Variants in CYP39A1 observed in about 807,000 individuals in gnomAD.
CYP39A1 encodes 24-hydroxycholesterol 7-alpha-hydroxylase.
CYP39A1 carries 49 observed loss-of-function variants against 58.1 expected under a neutral mutation model. That is an observed-to-expected ratio of 0.84 (90% CI 0.67 to 1.07). The LOEUF (loss-of-function observed/expected upper bound fraction) is 1.07. CYP39A1 is among the 50% of genes least tolerant of loss of function. CYP39A1 has a pLI of 0.00. For synonymous variants in CYP39A1, 209 were observed against 187.6 expected, an observed-to-expected ratio of 1.11 and a Z score of -0.93; for missense variants, 531 against 539.4, an observed-to-expected ratio of 0.98 and a Z score of 0.16.
In CYP39A1 at chr6:46,587,058, G is replaced by A. The variant is rs762925093; in HGVS notation, c.1250+19C>T. 1 of 1,584,182 alleles carries A rather than the reference G, an allele frequency of 6.3e-7. No individual in the cohort carries two copies. Among genetic ancestry groups the A allele is most frequent in the African/African-American group, 1.3e-5 (1 of 74,494 alleles). ...TCTGCAGACTTTCTGGATAAATGTGGCCCAGCTGTCTCACTGACCTTGCAG... is the reference window on the plus strand; with the variant it reads ...TCTGCAGACTTTCTGGATAAATGTGACCCAGCTGTCTCACTGACCTTGCAG... On this transcript the variant is annotated intron_variant, in intron 10 of 11. Coordinates refer to ENST00000275016, the MANE Select transcript of CYP39A1 (RefSeq NM_016593.5).
intron 3 of CYP39A1, among the ~76,000 whole-genome samples, chr6:46,638,483 A>G (rs1042357483): frequency 6.6e-6 from 1 of 152,234 alleles, no homozygotes; most frequent in Non-Finnish European, 1.5e-5. Context: ...TTAAGAGAAT[A>G]AAGTGATTAC....
intron 7 of CYP39A1, among the ~76,000 whole-genome samples, chr6:46,621,584 T>C (rs1436717114): frequency 6.6e-6 from 1 of 152,074 alleles, no homozygotes; most frequent in African/African-American, 2.4e-5. Context: ...GACATAGTCC[T>C]AAAAAGACAT....
At chr6:46,582,421 C>A (rs541875272) in intron 10 of CYP39A1, among the ~76,000 whole-genome samples, 79 of 152,222 alleles carry the variant, frequency 5.2e-4, no homozygotes, top group African/African-American at 1.7e-3. Flanking sequence ...GTGCTCAGAG[C>A]ATCATAAGTC....
chr6:46,596,300 C>A (rs1773158051), intron 7 of CYP39A1, among the ~76,000 whole-genome samples, 180 bp from the exon 8 acceptor site: 1 of 151,928 alleles, frequency 6.6e-6, no homozygotes, highest in South Asian at 2.1e-4. Context: ...TTTCTCTTGA[C>A]AAGGTAAAAT....
At chr6:46,582,847 GAT>G (rs1412722467) in intron 10 of CYP39A1, among the ~76,000 whole-genome samples, 105 of 152,076 alleles carry the variant, frequency 6.9e-4, no homozygotes, top group African/African-American at 2.4e-3. Flanking sequence ...TGTTTTCCAT[GAT>G]AACTCCCAGA....
intron 10 of CYP39A1, among the ~76,000 whole-genome samples, chr6:46,581,962 C>T (rs1772157585): frequency 6.6e-6 from 1 of 152,124 alleles, no homozygotes; most frequent in South Asian, 2.1e-4. Context: ...CTTTGCAAAG[C>T]AGTGAGAAGA....
At chr6:46,569,340 C>T (rs1771461384) in intron 10 of CYP39A1, among the ~76,000 whole-genome samples, 1 of 151,988 alleles carries the variant, frequency 6.6e-6, no homozygotes, top group African/African-American at 2.4e-5. Flanking sequence ...TTACTTCTTC[C>T]TTTCCAATTT....
At chr6:46,616,181 T>C (rs1271588866) in intron 7 of CYP39A1, among the ~76,000 whole-genome samples, 5 of 29,322 alleles carry the variant, frequency 1.7e-4, no homozygotes, top group African/African-American at 3.1e-4. Context: ...CTTTCTTTCT[T>C]TCTTTCTTCT....
At chr6:46,635,804 TCTC>T (rs1775950562) in intron 5 of CYP39A1, among the ~76,000 whole-genome samples, 1 of 151,990 alleles carries the variant, frequency 6.6e-6, no homozygotes, top group African/African-American at 2.4e-5. Context: ...CTTAAGCAAT[TCTC>T]CTGCGTCGGC....
chr6:46,650,447 C>G (rs1433835854), intron 1 of CYP39A1, among the ~76,000 whole-genome samples: 1 of 104,858 alleles, frequency 9.5e-6, no homozygotes, highest in Admixed American at 1.1e-4. Flanking sequence ...ACCTTAAAAG[C>G]TTTTAGTAGT....
intron 5 of CYP39A1, among the ~76,000 whole-genome samples, chr6:46,633,727 T>C (rs1355439559): frequency 6.6e-6 from 1 of 151,976 alleles, no homozygotes; most frequent in Non-Finnish European, 1.5e-5. Context: ...TGTGGTGGCA[T>C]GTGCCTGTAG....
intron 1 of CYP39A1, among the ~76,000 whole-genome samples, chr6:46,651,336 C>T (rs1484911660): frequency 6.6e-6 from 1 of 152,118 alleles, no homozygotes; most frequent in Non-Finnish European, 1.5e-5. Flanking sequence ...ATTGTATCCT[C>T]CTATGACAAA....
At chr6:46,564,110 ATT>A (rs879491386) in intron 10 of CYP39A1, among the ~76,000 whole-genome samples, 1,586 of 121,306 alleles carry the variant, frequency 0.013, 76 homozygotes, top group Admixed American at 0.038. Flanking sequence ...TATTTTTTTT[ATT>A]TTATTCTATT....
intron 10 of CYP39A1, among the ~76,000 whole-genome samples, chr6:46,572,969 T>A (rs1303615050): frequency 1.3e-5 from 2 of 151,938 alleles, no homozygotes; most frequent in African/African-American, 4.8e-5. Context: ...TTTCAGTTGA[T>A]TCACTGTATT....
chr6:46,648,394 C>G (rs1161937419), intron 1 of CYP39A1, among the ~76,000 whole-genome samples: 4 of 151,620 alleles, frequency 2.6e-5, no homozygotes, highest in African/African-American at 9.7e-5. Flanking sequence ...CCATCATTCT[C>G]AGCAAACTAT....
intron 7 of CYP39A1, among the ~76,000 whole-genome samples, 166 bp from the exon 8 acceptor site, chr6:46,596,286 C>G (rs561026160): frequency 6.6e-6 from 1 of 152,140 alleles, no homozygotes; most frequent in East Asian, 1.9e-4. Context: ...TTTTCTTTAT[C>G]ACTTTTCTCT....
chr6:46,557,772 A>G (rs1192190913), intron 10 of CYP39A1, among the ~76,000 whole-genome samples: 1 of 151,000 alleles, frequency 6.6e-6, no homozygotes, highest in African/African-American at 2.4e-5. Flanking sequence ...TCCCATCTCT[A>G]CTAAAAATAC....
At chr6:46,556,821 C>T (rs576233613) in intron 10 of CYP39A1, among the ~76,000 whole-genome samples, 55 of 152,164 alleles carry the variant, frequency 3.6e-4, no homozygotes, top group African/African-American at 1.3e-3. Flanking sequence ...TTAACATTTA[C>T]GTCTTGCCAT....
chr6:46,633,584 C>G (rs1435493595), intron 5 of CYP39A1, among the ~76,000 whole-genome samples: 1 of 152,048 alleles, frequency 6.6e-6, no homozygotes, highest in Non-Finnish European at 1.5e-5. Flanking sequence ...CTCGGCCAGG[C>G]ACGGTGGCTC....
Sources: allele counts gnomAD v4.1 joint callset (sites outside exome capture counted in the v4.1 genomes callset), GRCh38; gene constraint gnomAD v4.1.1; transcripts MANE v1.5; gene names NCBI Gene and HGNC (gene_info 2026-07-23, HGNC 2026-07-21).